The following SLU7 variants were observed in gnomAD, a reference collection of about 807,000 sequenced individuals.
SLU7 encodes the protein pre-mRNA-splicing factor SLU7.
A neutral mutation model predicts 87.0 loss-of-function variants in SLU7; 60 were observed. The observed-to-expected ratio is 0.69, with a 90% CI of 0.56 to 0.86. The LOEUF (loss-of-function observed/expected upper bound fraction) is 0.86, where lower values mean the gene tolerates loss of function less well. SLU7 is among the 40% of genes least tolerant of loss of function. SLU7 has a pLI of 0.00. For synonymous variants in SLU7, 197 were observed against 222.0 expected (o/e 0.89, Z 1.00); for missense variants, 507 against 686.6 (o/e 0.74, Z 2.92).
intron 12 of SLU7, 29 bp downstream of exon 12, chr5:160,406,439 A>C: frequency 6.4e-7 from 1 of 1,555,038 alleles, no homozygotes; most frequent in South Asian, 1.2e-5. Flanking sequence ...ACCAACAAGG[A>C]CACAAAATTG....
At position 160,414,070 on chromosome 5, in the gene SLU7, G is replaced by C. The variant is rs1187449497; in HGVS notation, c.325-91C>G. On this transcript the variant is annotated intron_variant, in intron 3 of 15. Coordinates refer to ENST00000297151, the MANE Select transcript of SLU7 (RefSeq NM_006425.5). ...TCATTACTATTTTGTCTAGGGAAAT[G>C]ATTTCTTTGTTAAAAGGAAAATAAG... 8.3e-6 allele frequency: 7 copies of C among 841,794 alleles called. No homozygotes were observed. In the Admixed American group the frequency reaches 9.5e-5, roughly 11 times the overall value. The allele number at this position is 841,794 out of a possible 1,614,324, so 52.1% of individuals were successfully genotyped here.
rs1426455283 is a variant in SLU7, at chr5:160,415,106, C to CA, written c.170+18dup. 1.9e-6 allele frequency: 3 copies of CA among 1,561,648 alleles called. No homozygotes were observed. Among genetic ancestry groups the CA allele is most frequent in the East Asian group, 2.3e-5 (1 of 42,784 alleles). Reference sequence around the variant, plus strand: ...TTGAATTCTGAATGAATGGATCATACAAAAAATTAAGTACTTACTTTCCTT... The same window carrying CA: ...TTGAATTCTGAATGAATGGATCATACAAAAAAATTAAGTACTTACTTTCCTT... On this transcript the variant is annotated intron_variant, in intron 2 of 15. Coordinates refer to ENST00000297151, the MANE Select transcript of SLU7 (RefSeq NM_006425.5).
Position 160,404,401 on chromosome 5 carries a change from G to T in SLU7, c.1581+39C>A, listed in dbSNP as rs1341551347. The T allele has an allele frequency of 2.4e-6, 3 of 1,232,964 alleles. No individual in the cohort carries two copies. The South Asian group carries it at 3.8e-5, about 16-fold the overall frequency. The allele number at this position is 1,232,964 out of a possible 1,614,324, so 76.4% of individuals were successfully genotyped here. A position where few individuals can be genotyped will look rare whatever the true frequency, so the allele number is the denominator to read the frequency against. ...AACAACCCAAAAAACAAAGAATACTGCTACTTGTCACTTTTACTATTTAGA... is the reference window on the plus strand; with the variant it reads ...AACAACCCAAAAAACAAAGAATACTTCTACTTGTCACTTTTACTATTTAGA... On this transcript the variant is annotated intron_variant, in intron 15 of 15. Coordinates refer to ENST00000297151, the MANE Select transcript of SLU7 (RefSeq NM_006425.5).
chr5:160,404,729 G>T, intron 14 of SLU7, 80 bp downstream of exon 14: 1 of 884,020 alleles, frequency 1.1e-6, no homozygotes. Context: ...TGTTTCAAAA[G>T]AAAAAAAAAA....
At chr5:160,405,001 T>C (rs1321892331) in intron 13 of SLU7, 30 bp downstream of exon 13, 3 of 1,571,884 alleles carry the variant, frequency 1.9e-6, no homozygotes, top group African/African-American at 1.3e-5. Flanking sequence ...GGTTGTTTTA[T>C]ACCTTTAAGA....
chr5:160,406,670 T>C (rs761657744), intron 11 of SLU7, 41 bp from the exon 12 acceptor site: 46 of 1,384,472 alleles, frequency 3.3e-5, no homozygotes, highest in South Asian at 5.6e-5. Context: ...TTTTACAACC[T>C]GATTTGCATT....
rs1015602533 is a variant in SLU7 at position 160,403,220 on chromosome 5, C to A, written c.*65G>T. On this transcript the variant is annotated 3_prime_UTR_variant, in exon 16 of 16. Transcript: ENST00000297151. ...AAACAAGGATTTTTCTATCTACAAT[C>A]ATCAATAAGAAGCTGAAAAGAATGT... 8.0e-7 allele frequency: 1 copy of A among 1,255,346 alleles called. No homozygotes were observed. The highest frequency in any genetic ancestry group is 1.5e-5 in the African/African-American group (1 of 65,564). The allele number at this position is 1,255,346 out of a possible 1,614,324, so 77.8% of individuals were successfully genotyped here.
intron 15 of SLU7, among the ~76,000 whole-genome samples, chr5:160,404,102 G>A (rs991259697): frequency 2.6e-5 from 4 of 152,204 alleles, no homozygotes; most frequent in African/African-American, 9.6e-5. Flanking sequence ...GGTGGCTCAT[G>A]CCTGCAATCC....
At position 160,412,453 on chromosome 5, in the gene SLU7, C is replaced by T. The variant is rs772717963; in HGVS notation, c.637G>A (p.Ala213Thr). 2.0e-6 allele frequency: 3 copies of T among 1,518,014 alleles called. No individual in the cohort carries two copies. The highest frequency in any genetic ancestry group is 2.7e-6 in the Non-Finnish European group (3 of 1,108,140). The allele number at this position is 1,518,014 out of a possible 1,614,324, so 94.0% of individuals were successfully genotyped here. Reference sequence around the variant, plus strand: ...TATTGATCATTTTCATTACTTACAGCCTGTTCCACTAATTTTCCTGAGGCT... The same window carrying T: ...TATTGATCATTTTCATTACTTACAGTCTGTTCCACTAATTTTCCTGAGGCT... ...ELASGKLVEQ[A>T]NSPKHQWGEE... Residue 213 changes from alanine (A) to threonine (T), a missense_variant and splice_region_variant, in exon 6 of 16, where the codon GCT (alanine) becomes ACT (threonine). Physicochemically the swap from Ala to Thr is moderately conservative, Grantham distance 58. Transcript: ENST00000297151.
At chr5:160,405,243 A>G (rs2910182) in intron 12 of SLU7, 108 bp from the exon 13 acceptor site, 250,466 of 750,888 alleles carry the variant, frequency 0.33, 44,045 homozygotes, top group South Asian at 0.4. Flanking sequence ...GTAATTTGGG[A>G]GAAAAATTAT....
In SLU7 at chr5:160,407,706, G is replaced by A. The variant is rs376961055; in HGVS notation, c.985+40C>T. 14 of 1,603,664 alleles carry A rather than the reference G, an allele frequency of 8.7e-6. No homozygotes were observed. The highest frequency in any genetic ancestry group is 1.7e-5 in the Admixed American group (1 of 58,508). The stretch of plus-strand genomic sequence containing the variant: ...CTTTAAACAATCCCAAACGTCTTAT[G>A]AGCTGATATAAAATGGCTTGACATA... On this transcript the variant is annotated intron_variant, in intron 10 of 15. Transcript: ENST00000297151. This position sits in a 1 kb window ranked among gnomAD's most constrained non-coding sequence, Gnocchi z 4.2.
intron 3 of SLU7, 107 bp downstream of exon 3, chr5:160,414,212 G>A (rs950815056): frequency 1.1e-6 from 1 of 899,482 alleles, no homozygotes; most frequent in Admixed American, 2.7e-5. Flanking sequence ...ACCAGATAAA[G>A]GGTTTTATTA....
chr5:160,404,392 A>G (rs1253043073), intron 15 of SLU7, 48 bp downstream of exon 15: 4 of 1,205,164 alleles, frequency 3.3e-6, no homozygotes, highest in Non-Finnish European at 4.8e-6. Flanking sequence ...CCAAAAAACA[A>G]AGAATACTGC....
chr5:160,412,397 ATTTC>A (rs1226646488), intron 6 of SLU7, 50 bp downstream of exon 6: 26 of 1,084,626 alleles, frequency 2.4e-5, no homozygotes, highest in Non-Finnish European at 3.1e-5. Flanking sequence ...TTCAATTTTC[ATTTC>A]TTTGTTTAAA....
chr5:160,418,862 G>A (rs1765580974), intron 1 of SLU7, 161 bp downstream of exon 1: 1 of 152,354 alleles, frequency 6.6e-6, no homozygotes, highest in African/African-American at 2.4e-5. Context: ...GCCATGAATG[G>A]GTCTCAGGAC....
chr5:160,403,860 C>T (rs1764889036), intron 15 of SLU7, among the ~76,000 whole-genome samples: 2 of 152,140 alleles, frequency 1.3e-5, no homozygotes, highest in Non-Finnish European at 2.9e-5. Flanking sequence ...GGTCAACATG[C>T]CAATAACTCT....
intron 6 of SLU7, among the ~76,000 whole-genome samples, chr5:160,411,201 T>C (rs1765220482): frequency 6.6e-6 from 1 of 151,938 alleles, no homozygotes; most frequent in Admixed American, 6.6e-5. Flanking sequence ...GTATGTCTCA[T>C]GGAGCAGAGA....
intron 6 of SLU7, among the ~76,000 whole-genome samples, chr5:160,409,586 A>G (rs1374720815): frequency 6.6e-6 from 1 of 152,216 alleles, no homozygotes; most frequent in African/African-American, 2.4e-5. Context: ...CTAGAAGGTT[A>G]TCCTAGTATC....
intron 6 of SLU7, 144 bp from the exon 7 acceptor site, chr5:160,408,841 ATAT>A (rs2113124008): frequency 7.1e-6 from 1 of 141,620 alleles, no homozygotes; most frequent in South Asian, 2.5e-4. Flanking sequence ...TATTATATTT[ATAT>A]TATATATAAT....
Sources: allele counts gnomAD v4.1 joint callset (sites outside exome capture counted in the v4.1 genomes callset), GRCh38; gene constraint gnomAD v4.1.1; non-coding constraint Gnocchi (gnomAD v3.1); transcripts MANE v1.5; gene names NCBI Gene and HGNC (gene_info 2026-07-23, HGNC 2026-07-21).